Variants in BUD31 observed in about 807,000 individuals in gnomAD.
BUD31 encodes the protein protein BUD31 homolog.
BUD31 carries 9 observed loss-of-function variants against 17.9 expected under a neutral mutation model. The observed-to-expected ratio is 0.50, with a 90% confidence interval of 0.30 to 0.88. The LOEUF is 0.88. Ranked by LOEUF, BUD31 falls within the 40% of genes least tolerant of loss-of-function variation. The pLI is 0.06. For synonymous variants in BUD31, 70 were observed against 64.7 expected (o/e 1.08, Z -0.39); for missense variants, 148 against 184.5 (o/e 0.80, Z 1.15).
chr7:99,419,567 C>A lies in BUD31; in HGVS notation c.*126C>A. The A allele has an allele frequency of 9.5e-7, 1 of 1,052,272 alleles. No individual in the cohort carries two copies. The highest frequency in any genetic ancestry group is 1.4e-6 in the Non-Finnish European group (1 of 700,218). The allele number at this position is 1,052,272 out of a possible 1,614,324, so 65.2% of individuals were successfully genotyped here. On this transcript the variant is annotated 3_prime_UTR_variant, in exon 6 of 6. Coordinates refer to ENST00000222969, the MANE Select transcript of BUD31 (RefSeq NM_003910.4). Reference sequence around the variant, plus strand: ...AGCACGGTCTCTATGGGGAAGGCTTCGCTGTCTATCAGCTGTGATTTGTAA... The same window carrying A: ...AGCACGGTCTCTATGGGGAAGGCTTAGCTGTCTATCAGCTGTGATTTGTAA...
rs760647598 is a variant in BUD31 at position 99,417,572 on chromosome 7, G to A, written c.361G>A (p.Val121Met). The A allele has an allele frequency of 1.4e-5, 23 of 1,612,654 alleles. No homozygotes were observed. The highest frequency in any genetic ancestry group is 6.7e-5 in the Admixed American group (4 of 60,004). Residue 121 changes from valine (V) to methionine (M), a missense_variant, in exon 5 of 6, where the codon GTG becomes ATG. By Grantham distance (21) the Val-to-Met change is conservative. Coordinates refer to ENST00000222969, the MANE Select transcript of BUD31 (RefSeq NM_003910.4). The part of the protein sequence containing the change: ...TNFGTNCICR[V>M]PKSKLEVGRI... ...CTTCGGGACGAACTGCATCTGCCGCGTGCCCAAAAGCAAGCTGGAAGTGGT... is the reference window on the plus strand; with the variant it reads ...CTTCGGGACGAACTGCATCTGCCGCATGCCCAAAAGCAAGCTGGAAGTGGT...
intron 3 of BUD31, among the ~76,000 whole-genome samples, chr7:99,412,757 G>A (rs927164438): frequency 6.7e-6 from 1 of 150,280 alleles, no homozygotes; most frequent in African/African-American, 2.5e-5. Flanking sequence ...GACTACAGGC[G>A]CCCGCCACCA....
chr7:99,410,970 G>T, intron 2 of BUD31, 94 bp from the exon 3 acceptor site: 1 of 762,638 alleles, frequency 1.3e-6, no homozygotes, highest in Non-Finnish European at 2.2e-6. Flanking sequence ...GTGACCCTAT[G>T]CTGACTCAAG....
chr7:99,416,325 C>T, intron 4 of BUD31, 65 bp downstream of exon 4: 1 of 1,559,734 alleles, frequency 6.4e-7, no homozygotes, highest in South Asian at 1.2e-5. Flanking sequence ...GAACTAACCA[C>T]AATCCTTATT....
rs775657229 is a variant in BUD31, at chr7:99,419,419, G to C, written c.413G>C (p.Gly138Ala). The change falls in exon 6 of 6, where the codon GGC (glycine) becomes GCC (alanine). Residue 138 changes from glycine to alanine, a missense_variant. Physicochemically the swap from Gly to Ala is moderately conservative, Grantham distance 60 (BLOSUM62 0). Transcript: ENST00000222969. ...VGRIIECTHC[G>A]CRGCSG Reference sequence around the variant, plus strand: ...CGCATCATCGAGTGCACACACTGTGGCTGTCGTGGCTGCTCTGGCTGAGGC... The same window carrying C: ...CGCATCATCGAGTGCACACACTGTGCCTGTCGTGGCTGCTCTGGCTGAGGC... The C allele has an allele frequency of 9.3e-6, 15 of 1,612,910 alleles. No homozygotes were observed. The highest frequency in any genetic ancestry group is 1.2e-5 in the Non-Finnish European group (14 of 1,180,016).
At chr7:99,411,264 A>G (rs1795172947) in intron 3 of BUD31, 78 bp downstream of exon 3, 1 of 1,082,514 alleles carries the variant, frequency 9.2e-7, no homozygotes. Context: ...ACAGGCATAA[A>G]TGCAAATATA....
chr7:99,411,230 C>T (rs770158890), intron 3 of BUD31, 44 bp downstream of exon 3: 1 of 1,512,932 alleles, frequency 6.6e-7, no homozygotes, highest in South Asian at 1.1e-5. Flanking sequence ...GTCCAAGGGT[C>T]ACAGGCTTAG....
At chr7:99,410,794 A>G (rs1423956012) in intron 2 of BUD31, among the ~76,000 whole-genome samples, 2 of 152,232 alleles carry the variant, frequency 1.3e-5, no homozygotes, top group Non-Finnish European at 2.9e-5. Context: ...ATACAATTCT[A>G]ATGAAGTCTT....
chr7:99,411,802 T>C (rs1584431044), intron 3 of BUD31: 1 of 437,632 alleles, frequency 2.3e-6, no homozygotes, highest in African/African-American at 2.0e-5. Flanking sequence ...CCTCCCGTGT[T>C]CAAGTGATTT....
rs369357159 is a variant in BUD31 at position 99,419,486 on chromosome 7, C to A, written c.*45C>A. On this transcript the variant is annotated 3_prime_UTR_variant, in exon 6 of 6. Coordinates refer to ENST00000222969, the MANE Select transcript of BUD31 (RefSeq NM_003910.4). ...GGACTCTGGACTTCGCAGGTTCCTGCCTGTCACGCCACCCCCTTCCTGGGA... is the reference window on the plus strand; with the variant it reads ...GGACTCTGGACTTCGCAGGTTCCTGACTGTCACGCCACCCCCTTCCTGGGA... The A allele has an allele frequency of 1.7e-5, 27 of 1,602,708 alleles. 1 individual carries two copies. Among genetic ancestry groups the A allele is most frequent in the East Asian group, 1.6e-4 (7 of 44,864 alleles).
intron 3 of BUD31, chr7:99,415,086 G>A (rs779151166): frequency 8.6e-5 from 34 of 393,904 alleles, no homozygotes; most frequent in Non-Finnish European, 1.5e-4. Context: ...TTCTCCCCGT[G>A]TGTGGAGACG....
chr7:99,412,832 A>G (rs1009884154), intron 3 of BUD31, among the ~76,000 whole-genome samples: 1 of 149,832 alleles, frequency 6.7e-6, no homozygotes, highest in African/African-American at 2.5e-5. Flanking sequence ...CATGTTAGCC[A>G]GGATGGTCTC....
chr7:99,414,505 A>G (rs115770221), intron 3 of BUD31, among the ~76,000 whole-genome samples: 2 of 152,342 alleles, frequency 1.3e-5, no homozygotes, highest in Admixed American at 6.5e-5. Context: ...GGTTTTTAGT[A>G]TATTCACAAA....
chr7:99,417,651 C>A, intron 5 of BUD31, 56 bp downstream of exon 5: 1 of 1,598,436 alleles, frequency 6.3e-7, no homozygotes, highest in South Asian at 1.1e-5. Flanking sequence ...CTGCCTTAGT[C>A]GACTGCAAGG....
At chr7:99,415,775 TC>T (rs1253166084) in intron 3 of BUD31, among the ~76,000 whole-genome samples, 2 of 152,198 alleles carry the variant, frequency 1.3e-5, no homozygotes, top group Non-Finnish European at 2.9e-5. Context: ...TGGTCAGTTC[TC>T]ACTATGTCCC....
intron 1 of BUD31, among the ~76,000 whole-genome samples, chr7:99,409,703 C>A (rs1795094292): frequency 7.7e-6 from 1 of 130,138 alleles, no homozygotes; most frequent in South Asian, 2.4e-4. Flanking sequence ...CTGATTCTAC[C>A]TTATAGAGTT....
At chr7:99,413,472 G>A (rs1217445866) in intron 3 of BUD31, among the ~76,000 whole-genome samples, 1 of 152,212 alleles carries the variant, frequency 6.6e-6, no homozygotes, top group African/African-American at 2.4e-5. Flanking sequence ...AATTAGAAGT[G>A]CCTTCAAGAT....
chr7:99,417,443 T>G lies in BUD31; in HGVS notation c.232T>G (p.Cys78Gly). ...KAISRELYEY[C>G]IKEGYADKNL... is the part of the protein sequence containing the mutation. Reference sequence around the variant, plus strand: ...CTTTTTGACAGAACTCTATGAATATTGTATTAAAGAAGGCTATGCAGACAA... The same window carrying G: ...CTTTTTGACAGAACTCTATGAATATGGTATTAAAGAAGGCTATGCAGACAA... Residue 78 changes from cysteine (C) to glycine (G), a missense_variant, in exon 5 of 6, where the codon TGT (cysteine) becomes GGT (glycine). Transcript: ENST00000222969. 2 of 1,613,934 alleles carry G rather than the reference T, an allele frequency of 1.2e-6. No individual in the cohort carries two copies. The highest frequency in any genetic ancestry group is 1.7e-6 in the Non-Finnish European group (2 of 1,179,932).
At chr7:99,416,768 T>C (rs908211077) in intron 4 of BUD31, 1 of 150,908 alleles carries the variant, frequency 6.6e-6, no homozygotes, top group African/African-American at 2.7e-5. Context: ...TTCCACAGGC[T>C]GGAGTGCAGT....
Sources: allele counts gnomAD v4.1 joint callset (sites outside exome capture counted in the v4.1 genomes callset), GRCh38; gene constraint gnomAD v4.1.1; transcripts MANE v1.5; gene names NCBI Gene and HGNC (gene_info 2026-07-23, HGNC 2026-07-21).